The following PHLPP1 variants were observed in gnomAD, a reference collection of about 807,000 sequenced individuals.
The protein encoded by PHLPP1 is PH domain and leucine rich repeat protein phosphatase 1.
Under a neutral mutation model 117.2 loss-of-function variants are expected in PHLPP1, and 42 were observed. The ratio of observed to expected loss-of-function variants is 0.36; its 90% CI spans 0.28 to 0.46. PHLPP1 has a LOEUF of 0.46. Ranked by LOEUF, PHLPP1 falls within the 20% of genes least tolerant of loss-of-function variation. The pLI, the probability that PHLPP1 is intolerant of heterozygous loss-of-function variation, is 1.00. For synonymous variants in PHLPP1, 1,042 were observed against 970.7 expected (o/e 1.07, Z -1.37); for missense variants, 2,084 against 2,241.9 (o/e 0.93, Z 1.42).
chr18:62,886,759 G>A (rs577205480), intron 4 of PHLPP1, among the ~76,000 whole-genome samples: 15 of 152,344 alleles, frequency 9.8e-5, no homozygotes, highest in Admixed American at 7.8e-4. Flanking sequence ...TCAGACCTGA[G>A]TGATGCTCAT....
At position 62,958,888 on chromosome 18, in the gene PHLPP1, A is replaced by G. The variant is rs903379787; in HGVS notation, c.3455+129A>G. On this transcript the variant is annotated intron_variant, in intron 13 of 16. Transcript: ENST00000262719. ...TAGCTGTGTTAACACACACAACAGG[A>G]TATACAAGATGCAGGGAAGCAATGA... is the stretch of plus-strand genomic sequence containing the variant. 3.3e-5 allele frequency: 33 copies of G among 994,228 alleles called. No homozygotes were observed. The African/African-American group carries it at 4.7e-4, about 14-fold the overall frequency. 61.6% of individuals were successfully genotyped at this position (994,228 alleles called of 1,614,324 possible). A position where few individuals can be genotyped will look rare whatever the true frequency, so the allele number is the denominator to read the frequency against.
intron 3 of PHLPP1, among the ~76,000 whole-genome samples, chr18:62,843,418 T>C (rs903625879): frequency 6.6e-6 from 1 of 152,216 alleles, no homozygotes; most frequent in Non-Finnish European, 1.5e-5. Flanking sequence ...AAGAGAAATG[T>C]TATTTTTTGT....
rs751331071 is a variant in PHLPP1, at chr18:62,975,541, G to T, written c.3900G>T (p.Lys1300Asn). Residue 1300 changes from lysine (K) to asparagine (N), a missense_variant, in exon 16 of 17, where the codon AAG (lysine) becomes AAT (asparagine). By Grantham distance (94) the Lys-to-Asn change is moderately conservative (BLOSUM62 0). This residue lies in a region of PHLPP1 where 1,365 missense variants were observed against 1,605.9 expected (regional missense o/e 0.85). Transcript: ENST00000262719. ...KCQTVLCRNG[K>N]PLPLSRSYIM... is the part of the protein sequence containing the mutation. ...AAACAGTTCTCTGTCGAAATGGAAA[G>T]CCGCTGCCTCTGTCCAGATCTTACA... The T allele has an allele frequency of 6.2e-7, 1 of 1,613,990 alleles. No homozygotes were observed. The highest frequency in any genetic ancestry group is 2.2e-5 in the East Asian group (1 of 44,886).
chr18:62,782,142 C>T (rs1044695256), intron 1 of PHLPP1, among the ~76,000 whole-genome samples: 2 of 152,182 alleles, frequency 1.3e-5, no homozygotes, highest in African/African-American at 2.4e-5. Context: ...TACATATTTA[C>T]GCAAACACTT....
intron 3 of PHLPP1, among the ~76,000 whole-genome samples, chr18:62,850,074 T>A (rs1599081714): frequency 1.9e-5 from 1 of 51,918 alleles, no homozygotes; most frequent in Non-Finnish European, 4.9e-5. Flanking sequence ...TAAACATCAA[T>A]TTTTTTTTTT....
intron 1 of PHLPP1, among the ~76,000 whole-genome samples, chr18:62,785,289 T>G (rs1327661001): frequency 6.6e-6 from 1 of 152,216 alleles, no homozygotes; most frequent in African/African-American, 2.4e-5. Flanking sequence ...GGAGAATTTA[T>G]GTAACATCTG....
At chr18:62,954,960 A>G (rs1910571658) in intron 12 of PHLPP1, among the ~76,000 whole-genome samples, 2 of 152,184 alleles carry the variant, frequency 1.3e-5, no homozygotes, top group Admixed American at 6.5e-5. Flanking sequence ...CACTGCGCTT[A>G]GGATATCCGG....
chr18:62,730,608 G>C (rs1911200228), intron 1 of PHLPP1, among the ~76,000 whole-genome samples: 1 of 152,056 alleles, frequency 6.6e-6, no homozygotes, highest in African/African-American at 2.4e-5. Flanking sequence ...GATCACCTGA[G>C]GTCAGGAGTT....
At chr18:62,938,994 C>CTTTTTTT (rs1555683300) in intron 10 of PHLPP1, among the ~76,000 whole-genome samples, 1 of 128,680 alleles carries the variant, frequency 7.8e-6, no homozygotes, top group Non-Finnish European at 1.6e-5. Flanking sequence ...TTCTTTCTTT[C>CTTTTTTT]TTTTTTTTTT....
intron 1 of PHLPP1, among the ~76,000 whole-genome samples, chr18:62,768,793 A>C (rs1480076901): frequency 1.3e-5 from 2 of 152,232 alleles, no homozygotes; most frequent in African/African-American, 4.8e-5. Flanking sequence ...GATGGGGGAA[A>C]AAAAGACTAG....
chr18:62,888,337 G>GTGTGTGTGTT (rs1168141605), intron 4 of PHLPP1, among the ~76,000 whole-genome samples: 1 of 114,630 alleles, frequency 8.7e-6, no homozygotes. Flanking sequence ...GTGTGTGTAT[G>GTGTGTGTGTT]TTTTTTTTTT....
chr18:62,877,527 G>C (rs999344507), intron 4 of PHLPP1, among the ~76,000 whole-genome samples: 6 of 152,356 alleles, frequency 3.9e-5, no homozygotes, highest in Non-Finnish European at 8.8e-5. Flanking sequence ...CTCAGGGTTA[G>C]AGATAACCTT....
chr18:62,789,877 T>C (rs1375379168), intron 1 of PHLPP1, among the ~76,000 whole-genome samples: 8 of 152,216 alleles, frequency 5.3e-5, no homozygotes, highest in Non-Finnish European at 1.2e-4. Flanking sequence ...TTTGATGCTT[T>C]TCACAGTAAC....
intron 1 of PHLPP1, among the ~76,000 whole-genome samples, chr18:62,761,940 A>G (rs1912257033): frequency 6.6e-6 from 1 of 152,090 alleles, no homozygotes; most frequent in Non-Finnish European, 1.5e-5. Flanking sequence ...GATTTAGAAA[A>G]TACTGGGAAA....
intron 1 of PHLPP1, among the ~76,000 whole-genome samples, chr18:62,717,738 T>C (rs964501607): frequency 1.3e-5 from 2 of 152,174 alleles, no homozygotes; most frequent in African/African-American, 2.4e-5. Flanking sequence ...AGCTCCTGAC[T>C]TGTCAACTGG....
At chr18:62,831,758 A>G (rs1031051639) in intron 2 of PHLPP1, among the ~76,000 whole-genome samples, 10 of 152,242 alleles carry the variant, frequency 6.6e-5, no homozygotes, top group Non-Finnish European at 1.2e-4. Context: ...GCTGTGTAGC[A>G]AGCACATTCT....
chr18:62,886,001 G>A (rs545421140), intron 4 of PHLPP1, among the ~76,000 whole-genome samples: 31 of 152,312 alleles, frequency 2.0e-4, no homozygotes, highest in African/African-American at 6.7e-4. Flanking sequence ...CCATTTATTA[G>A]TCATGGCTGT....
intron 1 of PHLPP1, among the ~76,000 whole-genome samples, chr18:62,724,578 G>T (rs182248841): frequency 2.6e-5 from 4 of 152,288 alleles, no homozygotes; most frequent in African/African-American, 9.6e-5. Flanking sequence ...CTAGGATTTT[G>T]ATGATCTGTC....
chr18:62,871,050 A>G (rs908343211), intron 4 of PHLPP1, among the ~76,000 whole-genome samples: 1 of 152,200 alleles, frequency 6.6e-6, no homozygotes, highest in Non-Finnish European at 1.5e-5. Context: ...TGTTAACTAT[A>G]TCTCTAGATG....
Sources: allele counts gnomAD v4.1 joint callset (sites outside exome capture counted in the v4.1 genomes callset), GRCh38; gene constraint gnomAD v4.1.1; regional missense constraint gnomAD v4.1.1; transcripts MANE v1.5; gene names NCBI Gene and HGNC (gene_info 2026-07-23, HGNC 2026-07-21).